PIP5K1C: variants seen among roughly 807,000 people sequenced by gnomAD.
PIP5K1C encodes phosphatidylinositol 4-phosphate 5-kinase type-1 gamma.
A neutral mutation model predicts 80.1 loss-of-function variants in PIP5K1C; 45 were observed. The observed-to-expected ratio is 0.56, with a 90% CI of 0.44 to 0.72. PIP5K1C has a LOEUF of 0.72. PIP5K1C is among the 30% of genes least tolerant of loss of function. The pLI is 0.00. For missense variants in PIP5K1C, 753 were observed against 954.6 expected (o/e 0.79, Z 2.78); for synonymous variants, 498 against 420.1 (o/e 1.19, Z -2.27).
chr19:3,672,974 G>A (rs938603046), intron 1 of PIP5K1C, among the ~76,000 whole-genome samples: 1 of 128,240 alleles, frequency 7.8e-6, no homozygotes, highest in Non-Finnish European at 1.7e-5. Flanking sequence ...GGACTGGGGG[G>A]CCGGGGAGAG....
At chr19:3,651,582 G>C (rs939600369) in intron 8 of PIP5K1C, among the ~76,000 whole-genome samples, 1 of 152,178 alleles carries the variant, frequency 6.6e-6, no homozygotes, top group Non-Finnish European at 1.5e-5. Context: ...GCCCAGTCAC[G>C]GGTGAATGGG....
chr19:3,667,118 C>G (rs539374932), intron 2 of PIP5K1C, among the ~76,000 whole-genome samples: 3 of 152,308 alleles, frequency 2.0e-5, no homozygotes, highest in Non-Finnish European at 2.9e-5. Flanking sequence ...TGCAGGGCCC[C>G]CTCCTCCATC....
In PIP5K1C at chr19:3,632,852, T is replaced by C. The variant is rs1426699391; in HGVS notation, c.*315A>G. ...GCTCTTCTCCCTCTGGTTGGTTTGT[T>C]TGTGTCTTTTTTGTTCTTTTCCTAA... On this transcript the variant is annotated 3_prime_UTR_variant, in exon 18 of 18. Transcript: ENST00000335312. The C allele has an allele frequency of 2.4e-6, 1 of 410,600 alleles. No individual in the cohort carries two copies. Among genetic ancestry groups the C allele is most frequent in the Non-Finnish European group, 4.3e-6 (1 of 230,930 alleles). 25.4% of individuals were successfully genotyped at this position (410,600 alleles called of 1,614,324 possible). A position where few individuals can be genotyped will look rare whatever the true frequency, so the allele number is the denominator to read the frequency against.
intron 14 of PIP5K1C, among the ~76,000 whole-genome samples, chr19:3,642,024 C>G (rs928005391): frequency 1.3e-5 from 2 of 152,212 alleles, no homozygotes; most frequent in African/African-American, 4.8e-5. Context: ...GTAGCGGGCT[C>G]TGGGGGCATA....
Position 3,633,077 on chromosome 19 carries a change from G to A in PIP5K1C, c.*90C>T, listed in dbSNP as rs538736425. On this transcript the variant is annotated 3_prime_UTR_variant, in exon 18 of 18. Coordinates refer to ENST00000335312, the MANE Select transcript of PIP5K1C (RefSeq NM_012398.3). ...TGGGGCGGCGAGGCGGGCATCTCCC[G>A]AGCTCTGGGCCTCAGCGGGGTGGGC... 1.1e-5 allele frequency: 8 copies of A among 706,092 alleles called. No homozygotes were observed. The highest frequency in any genetic ancestry group is 9.0e-5 in the South Asian group (6 of 66,556). 43.7% of individuals were successfully genotyped at this position (706,092 alleles called of 1,614,324 possible).
At chr19:3,633,326 T>C in intron 17 of PIP5K1C, 111 bp downstream of exon 17, 4 of 802,482 alleles carry the variant, frequency 5.0e-6, no homozygotes, top group Non-Finnish European at 7.8e-6. Flanking sequence ...CTGGGCCACC[T>C]GTGCCCTCCC....
intron 4 of PIP5K1C, 105 bp downstream of exon 4, chr19:3,661,766 G>A (rs1389631212): frequency 1.4e-6 from 2 of 1,395,662 alleles, no homozygotes; most frequent in East Asian, 2.3e-5. Context: ...CGCCAGGAGG[G>A]GCCAGGTGCT....
chr19:3,646,178 A>C, intron 10 of PIP5K1C, 120 bp from the exon 11 acceptor site: 7 of 693,938 alleles, frequency 1.0e-5, no homozygotes, highest in East Asian at 5.4e-5. Flanking sequence ...AAGGCTCGAG[A>C]TGGGTCCATG....
chr19:3,653,368 C>G lies in PIP5K1C; in HGVS notation c.843G>C (p.Met281Ile), dbSNP rs752058443. Residue 281 changes from methionine (M) to isoleucine (I), a missense_variant, in exon 7 of 18, where the codon ATG (methionine) becomes ATC (isoleucine). By Grantham distance (10) the Met-to-Ile change is conservative. Around this residue, in one of 6 missense-constraint regions of PIP5K1C, gnomAD observed 105 missense variants for 133.4 expected, o/e 0.79. Coordinates refer to ENST00000335312, the MANE Select transcript of PIP5K1C (RefSeq NM_012398.3). ...GCAGGAGCCCCTCGGGCATGTCCTG[C>G]ATGAAGTCCAGGTCCTTGTAGGTGG... ...SFPTYKDLDF[M>I]QDMPEGLLLD... 4 of 1,612,654 alleles carry G rather than the reference C, an allele frequency of 2.5e-6. No homozygotes were observed. In the East Asian group the frequency reaches 6.7e-5, roughly 27 times the overall value.
At chr19:3,691,593 T>TA (rs372532896) in intron 1 of PIP5K1C, among the ~76,000 whole-genome samples, 1 of 151,962 alleles carries the variant, frequency 6.6e-6, no homozygotes. Context: ...CCAGCCCATC[T>TA]ACCCCGCCTG....
At chr19:3,660,208 G>A (rs964636005) in intron 5 of PIP5K1C, among the ~76,000 whole-genome samples, 11 of 152,108 alleles carry the variant, frequency 7.2e-5, no homozygotes, top group Non-Finnish European at 1.5e-5. Context: ...GTGAAACCCC[G>A]TCTCTACTAA....
At chr19:3,635,776 G>A (rs183382010) in intron 16 of PIP5K1C, among the ~76,000 whole-genome samples, 207 of 152,304 alleles carry the variant, frequency 1.4e-3, no homozygotes, top group African/African-American at 4.4e-3. Flanking sequence ...TCAGGAGATT[G>A]AGACCATCCT....
chr19:3,639,540 T>C (rs1162091301), intron 15 of PIP5K1C, among the ~76,000 whole-genome samples: 2 of 151,870 alleles, frequency 1.3e-5, no homozygotes, highest in African/African-American at 4.8e-5. Flanking sequence ...CAAGCGATCC[T>C]CCAACCTTGG....
chr19:3,694,708 C>T (rs1359559119), intron 1 of PIP5K1C, among the ~76,000 whole-genome samples: 1 of 152,256 alleles, frequency 6.6e-6, no homozygotes, highest in African/African-American at 2.4e-5. Context: ...AAGTTCCCAC[C>T]CCACGGCCTC....
At chr19:3,691,528 C>A (rs1007225730) in intron 1 of PIP5K1C, among the ~76,000 whole-genome samples, 6 of 151,962 alleles carry the variant, frequency 3.9e-5, no homozygotes, top group African/African-American at 1.2e-4. Context: ...GGGACCACCC[C>A]AACAGCCAAG....
rs1390675694 is a variant in PIP5K1C at position 3,696,603 on chromosome 19, C to T, written c.94+3694G>A. ...GACACAGATGGGAGGAGGGGCATTC[C>T]GGGGTGGGGGTGGGGGGCAGCCGTG... On this transcript the variant is annotated intron_variant, in intron 1 of 17. Transcript: ENST00000335312. The surrounding 1 kb of genome is among the most constrained non-coding windows in gnomAD (Gnocchi z 4.1). 3.4e-4 allele frequency among the ~76,000 whole-genome samples: 2 copies of T among 5,926 alleles called. No individual in the cohort carries two copies. The highest frequency in any genetic ancestry group is 6.3e-4 in the Non-Finnish European group (2 of 3,174). The allele number at this position is 5,926 out of a possible 152,430, so 3.9% of individuals were successfully genotyped here.
At position 3,637,381 on chromosome 19, in the gene PIP5K1C, G is replaced by T; in HGVS notation, c.1920+1503C>A. 1.3e-6 allele frequency: 2 copies of T among 1,535,470 alleles called. No individual in the cohort carries two copies. Among genetic ancestry groups the T allele is most frequent in the Non-Finnish European group, 1.7e-6 (2 of 1,146,728 alleles). On this transcript the variant is annotated intron_variant, in intron 16 of 17. Transcript: ENST00000335312. The surrounding 1 kb of genome is among the most constrained non-coding windows in gnomAD (Gnocchi z 7.0). ...CAGCCCAGCGCCTGGTCCGGGGCCAGCGTGGCTGACCTCAATTGCAGCCGT... is the reference window on the plus strand; with the variant it reads ...CAGCCCAGCGCCTGGTCCGGGGCCATCGTGGCTGACCTCAATTGCAGCCGT...
intron 6 of PIP5K1C, among the ~76,000 whole-genome samples, chr19:3,655,487 T>C (rs1179749685): frequency 4.6e-5 from 7 of 152,206 alleles, no homozygotes; most frequent in Admixed American, 1.3e-4. Context: ...GAAAGTGATA[T>C]GGAATTCGCA....
Position 3,688,379 on chromosome 19 carries a change from A to AG in PIP5K1C, c.94+11917dup, listed in dbSNP as rs913875763. Reference sequence around the variant, plus strand: ...CAGGAGCTCCTGTTCCTCACCTGCGAGGGGGGGACGGCCTCTGGCCCCCTG... The same window carrying AG: ...CAGGAGCTCCTGTTCCTCACCTGCGAGGGGGGGGACGGCCTCTGGCCCCCTG... On this transcript the variant is annotated intron_variant, in intron 1 of 17. Coordinates refer to ENST00000335312, the MANE Select transcript of PIP5K1C (RefSeq NM_012398.3). The surrounding 1 kb of genome is among the most constrained non-coding windows in gnomAD (Gnocchi z 5.3). Among the ~76,000 whole-genome samples, 53 of 152,140 alleles carry AG rather than the reference A, an allele frequency of 3.5e-4. No homozygotes were observed. The highest frequency in any genetic ancestry group is 9.7e-4 in the East Asian group (5 of 5,142).
Sources: gnomAD v4.1 joint callset for allele counts (sites outside exome capture counted in the v4.1 genomes callset) on GRCh38, gnomAD v4.1.1 for gene constraint, gnomAD v4.1.1 regional missense constraint, Gnocchi (gnomAD v3.1) non-coding constraint, MANE v1.5 for transcripts, NCBI Gene and HGNC (gene_info 2026-07-23, HGNC 2026-07-21) for gene names.